The following PLEKHA6 variants were observed in gnomAD, a reference collection of about 807,000 sequenced individuals.
The protein encoded by PLEKHA6 is pleckstrin homology domain-containing family A member 6.
In PLEKHA6, 60 loss-of-function variants were observed where a neutral mutation model predicts 116.7. The ratio of observed to expected loss-of-function variants is 0.51; its 90% CI spans 0.42 to 0.64. PLEKHA6 has a LOEUF of 0.64. Among genes scored for constraint, PLEKHA6 ranks in the 30% least tolerant of loss-of-function variants. The probability of loss-of-function intolerance (pLI) is 0.00; values close to 1 mark genes in which losing one functional copy is unlikely to be tolerated. For synonymous variants in PLEKHA6, 489 were observed against 556.1 expected, an observed-to-expected ratio of 0.88 and a Z score of 1.70; for missense variants, 1,338 against 1,422.7, an observed-to-expected ratio of 0.94 and a Z score of 0.96.
chr1:204,218,933 A>C lies in PLEKHA6; in HGVS notation c.*3855T>G, dbSNP rs941931180. 1 of 152,644 alleles carries C rather than the reference A, an allele frequency of 6.6e-6. No individual in the cohort carries two copies. Among genetic ancestry groups the C allele is most frequent in the Non-Finnish European group, 1.5e-5 (1 of 68,048 alleles). The allele number at this position is 152,644 out of a possible 1,614,324, so 9.5% of individuals were successfully genotyped here. ...AATGCAGAACTCACTGGGATTCTTCAGTACCTAAATCTAAAAAGAATGCTG... is the reference window on the plus strand; with the variant it reads ...AATGCAGAACTCACTGGGATTCTTCCGTACCTAAATCTAAAAAGAATGCTG... On this transcript the variant is annotated 3_prime_UTR_variant, in exon 23 of 23. Coordinates refer to ENST00000272203, the MANE Select transcript of PLEKHA6 (RefSeq NM_014935.5).
chr1:204,326,983 C>T (rs1017995145), intron 1 of PLEKHA6: 8 of 985,288 alleles, frequency 8.1e-6, no homozygotes, highest in Non-Finnish European at 8.4e-6. Flanking sequence ...GCGCTGGGTA[C>T]GGCAGCCTCT....
chr1:204,304,139 A>G (rs915678878), intron 1 of PLEKHA6, among the ~76,000 whole-genome samples: 5 of 152,200 alleles, frequency 3.3e-5, no homozygotes, highest in African/African-American at 1.2e-4. Context: ...CCAAAATCCA[A>G]TCCACAGATC....
chr1:204,256,355 G>A (rs989298621), intron 9 of PLEKHA6, among the ~76,000 whole-genome samples: 3 of 152,102 alleles, frequency 2.0e-5, no homozygotes, highest in South Asian at 2.1e-4. Flanking sequence ...GATGCAATTC[G>A]GAAAATTTTT....
intron 1 of PLEKHA6, among the ~76,000 whole-genome samples, chr1:204,294,397 C>A (rs569226975): frequency 1.3e-5 from 2 of 152,304 alleles, no homozygotes; most frequent in South Asian, 4.1e-4. Context: ...CTCTGCTTAA[C>A]CCCCAGAGAT....
In PLEKHA6 at chr1:204,312,840, C is replaced by CCTTTTCTTTT. The variant is rs1190278311; in HGVS notation, c.-94-38032_-94-38031insAAAAGAAAAG. Among the ~76,000 whole-genome samples, 22 of 130,318 alleles carry CCTTTTCTTTT rather than the reference C, an allele frequency of 1.7e-4. No individual in the cohort carries two copies. In the East Asian group the frequency reaches 7.4e-3, roughly 44 times the overall value. The allele number at this position is 130,318 out of a possible 152,430, so 85.5% of individuals were successfully genotyped here. A position where few individuals can be genotyped will look rare whatever the true frequency, so the allele number is the denominator to read the frequency against. ...AGCATTTGCATCAAGGCCCTTAGCCCATTTTCTTTTCTTTTCTTTTCTTTT... is the reference window on the plus strand; with the variant it reads ...AGCATTTGCATCAAGGCCCTTAGCCCCTTTTCTTTTATTTTCTTTTCTTTTCTTTTCTTTT... On this transcript the variant is annotated intron_variant, in intron 1 of 22. Coordinates refer to ENST00000272203, the MANE Select transcript of PLEKHA6 (RefSeq NM_014935.5).
intron 10 of PLEKHA6, among the ~76,000 whole-genome samples, chr1:204,250,207 T>G (rs2102655582): frequency 6.6e-6 from 1 of 152,302 alleles, no homozygotes; most frequent in South Asian, 2.1e-4. Flanking sequence ...GACTGACTGA[T>G]CTATCTCCCA....
intron 15 of PLEKHA6, among the ~76,000 whole-genome samples, chr1:204,242,129 T>C (rs575703455): frequency 4.6e-5 from 7 of 152,136 alleles, no homozygotes; most frequent in Non-Finnish European, 1.0e-4. Flanking sequence ...ATTCAAGGAA[T>C]GGCCGGTGGG....
At chr1:204,251,645 C>CCGACCT (rs1664576132) in intron 9 of PLEKHA6, 1 of 700,392 alleles carries the variant, frequency 1.4e-6, no homozygotes, top group Non-Finnish European at 2.6e-6. Context: ...TATTCACACT[C>CCGACCT]CGACCTACAT....
rs74465833 is a variant in PLEKHA6, at chr1:204,230,839, T to C, written c.2410-253A>G. Among the ~76,000 whole-genome samples, 1,120 of 152,232 alleles carry C rather than the reference T, an allele frequency of 7.4e-3. 11 individuals carry two copies. Among genetic ancestry groups the C allele is most frequent in the African/African-American group, 0.026 (1,064 of 41,528 alleles). On this transcript the variant is annotated intron_variant, in intron 17 of 22. Transcript: ENST00000272203. ...TCCTCATAAGAGACAGAAAAGAAGA[T>C]GACATACAGAGTAGAGGTGACATGA...
chr1:204,357,630 G>A lies in PLEKHA6; in HGVS notation c.-95+2064C>T, dbSNP rs372979664. On this transcript the variant is annotated intron_variant, in intron 1 of 22. Coordinates refer to ENST00000272203, the MANE Select transcript of PLEKHA6 (RefSeq NM_014935.5). ...GGCACAGCTCCAACCTTCCTCTGGGGGGCCCCATGGGTGCGCCAAGACCAG... is the reference window on the plus strand; with the variant it reads ...GGCACAGCTCCAACCTTCCTCTGGGAGGCCCCATGGGTGCGCCAAGACCAG... Among the ~76,000 whole-genome samples, 275 of 152,314 alleles carry A rather than the reference G, an allele frequency of 1.8e-3. 9 individuals are homozygous for A. In the South Asian group the frequency reaches 0.052, roughly 29 times the overall value.
At chr1:204,337,016 G>A (rs1395737205) in intron 1 of PLEKHA6, among the ~76,000 whole-genome samples, 1 of 152,244 alleles carries the variant, frequency 6.6e-6, no homozygotes, top group Non-Finnish European at 1.5e-5. Context: ...AAGGAGGAAA[G>A]AGTTTTTAAA....
chr1:204,366,170 C>G (rs1291319031), intron 3 of PLEKHA6, among the ~76,000 whole-genome samples: 1 of 152,190 alleles, frequency 6.6e-6, no homozygotes, highest in African/African-American at 2.4e-5. Flanking sequence ...AGTGAACAAT[C>G]TCTAGAGCCA....
intron 1 of PLEKHA6, chr1:204,297,940 A>T: frequency 3.1e-6 from 3 of 976,206 alleles, no homozygotes; most frequent in Non-Finnish European, 2.4e-6. Context: ...TCCTCCCCCT[A>T]CTCCTCATAT....
At chr1:204,296,341 T>C (rs1252108334) in intron 1 of PLEKHA6, among the ~76,000 whole-genome samples, 1 of 152,062 alleles carries the variant, frequency 6.6e-6, no homozygotes, top group African/African-American at 2.4e-5. Flanking sequence ...TTTTTTTTAA[T>C]GGTAGAGAGC....
At chr1:204,342,967 G>A (rs565287531) in intron 1 of PLEKHA6, among the ~76,000 whole-genome samples, 31 of 152,304 alleles carry the variant, frequency 2.0e-4, no homozygotes, top group South Asian at 6.2e-4. Flanking sequence ...TAAAAAGGAC[G>A]CGACTGCATC....
intron 1 of PLEKHA6, among the ~76,000 whole-genome samples, chr1:204,319,378 CTT>C (rs1165374828): frequency 6.6e-6 from 1 of 152,192 alleles, no homozygotes; most frequent in Non-Finnish European, 1.5e-5. Flanking sequence ...CTTTTCATAT[CTT>C]TTCATTCTGT....
intron 1 of PLEKHA6, among the ~76,000 whole-genome samples, chr1:204,341,499 C>A (rs1194417902): frequency 6.6e-6 from 1 of 152,170 alleles, no homozygotes; most frequent in African/African-American, 2.4e-5. Context: ...GAGCTATAAC[C>A]AGTTCATCTG....
At chr1:204,252,651 C>T (rs1240422400) in intron 9 of PLEKHA6, among the ~76,000 whole-genome samples, 2 of 152,164 alleles carry the variant, frequency 1.3e-5, no homozygotes, top group African/African-American at 2.4e-5. Context: ...TCCGTCATCT[C>T]TCCAATCTCA....
chr1:204,352,339 C>A (rs1053946904), intron 1 of PLEKHA6, among the ~76,000 whole-genome samples: 1 of 151,224 alleles, frequency 6.6e-6, no homozygotes, highest in Non-Finnish European at 1.5e-5. Flanking sequence ...CGCACCACTG[C>A]ACTCCAGCCT....
Sources: allele counts gnomAD v4.1 joint callset (sites outside exome capture counted in the v4.1 genomes callset), GRCh38; gene constraint gnomAD v4.1.1; transcripts MANE v1.5; gene names NCBI Gene and HGNC (gene_info 2026-07-23, HGNC 2026-07-21).